The following HEXB variants were observed in gnomAD, a reference collection of about 807,000 sequenced individuals.
HEXB encodes the protein hexosaminidase subunit beta, also known as beta-hexosaminidase subunit beta.
HEXB carries 51 observed loss-of-function variants against 71.2 expected under a neutral mutation model. The observed-to-expected ratio is 0.72, with a 90% CI of 0.57 to 0.90. The LOEUF (loss-of-function observed/expected upper bound fraction) is 0.90, where lower values mean the gene tolerates loss of function less well. Among genes scored for constraint, HEXB ranks in the 40% least tolerant of loss-of-function variants. The pLI is 0.00. For missense variants in HEXB, 617 were observed against 677.0 expected (o/e 0.91, Z 0.98); for synonymous variants, 266 against 249.3 (o/e 1.07, Z -0.63).
At chr5:74,644,777 T>C (rs930797591) in intron 1 of HEXB, among the ~76,000 whole-genome samples, 39 of 129,692 alleles carry the variant, frequency 3.0e-4, no homozygotes, top group African/African-American at 1.1e-3. Flanking sequence ...TTTTTTTTTT[T>C]TTTTTTTTTT....
intron 3 of HEXB, among the ~76,000 whole-genome samples, chr5:74,696,311 A>G (rs1161011395): frequency 1.3e-5 from 2 of 152,226 alleles, no homozygotes; most frequent in Non-Finnish European, 2.9e-5. Context: ...TGTTGCATTT[A>G]GATACCTTCT....
intron 2 of HEXB, 102 bp downstream of exon 2, chr5:74,689,575 C>A: frequency 1.1e-6 from 1 of 930,210 alleles, no homozygotes; most frequent in Admixed American, 1.7e-5. Flanking sequence ...AGTTCTCAAC[C>A]AGTGAGTTTA....
At chr5:74,672,811 T>A (rs1580370901) in intron 1 of HEXB, among the ~76,000 whole-genome samples, 1 of 152,334 alleles carries the variant, frequency 6.6e-6, no homozygotes, top group African/African-American at 2.4e-5. Flanking sequence ...TCATCTCATA[T>A]ACAAGACAAA....
At chr5:74,683,768 C>G, upstream of HEXB, among the ~76,000 whole-genome samples, 1 of 151,564 alleles carries the variant, frequency 6.6e-6, no homozygotes, top group Non-Finnish European at 1.5e-5. Context: ...CAAAGTGCCA[C>G]ACTTTGGGGT....
Position 74,711,524 on chromosome 5 carries a change from G to A in HEXB, c.772-1982G>A, listed in dbSNP as rs916494211. ...ACCCACAATATGGGAGAAAATTTTCGCAACCTACTCATCTGACAAAGGAAA... is the reference window on the plus strand; with the variant it reads ...ACCCACAATATGGGAGAAAATTTTCACAACCTACTCATCTGACAAAGGAAA... On this transcript the variant is annotated intron_variant, in intron 6 of 13. Transcript: ENST00000261416. Among the ~76,000 whole-genome samples, 11 of 152,164 alleles carry A rather than the reference G, an allele frequency of 7.2e-5. 1 individual carries two copies. In the East Asian group the frequency reaches 7.7e-4, roughly 11 times the overall value.
chr5:74,707,685 A>G (rs950716708), intron 6 of HEXB, among the ~76,000 whole-genome samples: 4 of 152,230 alleles, frequency 2.6e-5, no homozygotes, highest in African/African-American at 7.2e-5. Flanking sequence ...AAGAAAGGGT[A>G]TCAGTGATGG....
At chr5:74,689,183 T>C in intron 1 of HEXB, 145 bp from the exon 2 acceptor site, 1 of 698,774 alleles carries the variant, frequency 1.4e-6, no homozygotes, top group Non-Finnish European at 2.5e-6. Flanking sequence ...GTGATTCTAA[T>C]GTACAGCTTG....
intron 1 of HEXB, among the ~76,000 whole-genome samples, chr5:74,646,632 A>G (rs376417708): frequency 6.7e-6 from 1 of 149,972 alleles, no homozygotes; most frequent in Non-Finnish European, 1.5e-5. Context: ...CAGTGGCATG[A>G]TCTCGGCTCA....
At chr5:74,698,523 C>T (rs1480874594) in intron 5 of HEXB, among the ~76,000 whole-genome samples, 1 of 152,108 alleles carries the variant, frequency 6.6e-6, no homozygotes, top group South Asian at 2.1e-4. Context: ...TCCCGAGTAG[C>T]TGGGATTACA....
rs1561213820 is a variant in HEXB, at chr5:74,685,299, GCTGCTGGCGCTGCTGTTGGCGACA to G, written c.49_72del (p.Leu17_Ala24del). The G allele has an allele frequency of 1.3e-6, 2 of 1,558,294 alleles. No individual in the cohort carries two copies. The highest frequency in any genetic ancestry group is 2.4e-5 in the East Asian group (1 of 41,776). ...GGCTGGGGCTGCCCCGGCCGCCCAT[GCTGCTGGCGCTGCTGTTGGCGACA>G]CTGCTGGCGGCGATGTTGGCGCTGC... On this transcript the variant is annotated inframe_deletion, in exon 1 of 14. Transcript: ENST00000261416.
intron 1 of HEXB, among the ~76,000 whole-genome samples, chr5:74,676,967 A>G (rs1266802035): frequency 6.6e-6 from 1 of 151,854 alleles, no homozygotes; most frequent in Non-Finnish European, 1.5e-5. Flanking sequence ...GCTCACTGCA[A>G]ACTCCACCTC....
chr5:74,688,541 C>G (rs1487799482), intron 1 of HEXB, among the ~76,000 whole-genome samples: 5 of 152,066 alleles, frequency 3.3e-5, no homozygotes, highest in Non-Finnish European at 7.4e-5. Context: ...TTTTTAGTTT[C>G]ACTATGTGGG....
intron 6 of HEXB, 157 bp downstream of exon 6, chr5:74,705,477 T>G (rs149259250): frequency 1.9e-5 from 12 of 628,800 alleles, no homozygotes; most frequent in African/African-American, 1.1e-4. Context: ...GCATTTTACA[T>G]CCATAAAACT....
intron 1 of HEXB, among the ~76,000 whole-genome samples, chr5:74,643,474 C>T (rs573837382): frequency 6.6e-6 from 1 of 152,270 alleles, no homozygotes; most frequent in South Asian, 2.1e-4. Flanking sequence ...ACACAATAGC[C>T]AACACTTCAC....
At chr5:74,718,451 A>G in intron 10 of HEXB, 88 bp downstream of exon 10, 1 of 974,910 alleles carries the variant, frequency 1.0e-6, no homozygotes, top group Non-Finnish European at 1.7e-6. Flanking sequence ...TCTAACTACT[A>G]GTATTACCTT....
At chr5:74,721,015 CTAATTT>C in intron 13 of HEXB, 97 bp from the exon 14 acceptor site, 1 of 1,034,744 alleles carries the variant, frequency 9.7e-7, no homozygotes, top group Non-Finnish European at 1.5e-6. Flanking sequence ...TTTAGTGATT[CTAATTT>C]AAGTTTCTAA....
At chr5:74,700,308 G>GT (rs1277768659) in intron 5 of HEXB, among the ~76,000 whole-genome samples, 1 of 151,694 alleles carries the variant, frequency 6.6e-6, no homozygotes, top group Admixed American at 6.6e-5. Flanking sequence ...GTGCCCAGCT[G>GT]TAAGTTTATT....
chr5:74,705,510 T>C, intron 6 of HEXB, 190 bp downstream of exon 6: 1 of 580,204 alleles, frequency 1.7e-6, no homozygotes, highest in Non-Finnish European at 3.1e-6. Context: ...GTTATAACGG[T>C]TACTGTAATT....
At chr5:74,640,518 C>G (rs1747821404) in exon 1 of HEXB, 1 of 152,312 alleles carries the variant, frequency 6.6e-6, no homozygotes, top group Non-Finnish European at 1.5e-5. Flanking sequence ...GCCGCGGACC[C>G]GGTGTCCAGG....
Sources: allele counts gnomAD v4.1 joint callset (sites outside exome capture counted in the v4.1 genomes callset), GRCh38; gene constraint gnomAD v4.1.1; transcripts MANE v1.5; gene names NCBI Gene and HGNC (gene_info 2026-07-23, HGNC 2026-07-21).